Variants in DYNC2LI1 observed in about 807,000 individuals in gnomAD.
DYNC2LI1 encodes cytoplasmic dynein 2 light intermediate chain 1.
A neutral mutation model predicts 51.9 loss-of-function variants in DYNC2LI1; 45 were observed. The ratio of observed to expected loss-of-function variants is 0.87; its 90% CI spans 0.68 to 1.11. The LOEUF (loss-of-function observed/expected upper bound fraction) is 1.11. DYNC2LI1 is among the 50% of genes most tolerant of loss of function. The probability of loss-of-function intolerance (pLI) is 0.00; values close to 1 mark genes in which losing one functional copy is unlikely to be tolerated. For missense variants in DYNC2LI1, 490 were observed against 417.4 expected (o/e 1.17, Z -1.51); for synonymous variants, 130 against 137.8 (o/e 0.94, Z 0.40).
At chr2:43,804,898 T>TTA (rs1666193884) in intron 11 of DYNC2LI1, among the ~76,000 whole-genome samples, 159 bp downstream of exon 11, 1 of 144,450 alleles carries the variant, frequency 6.9e-6, no homozygotes, top group Non-Finnish European at 1.5e-5. Flanking sequence ...CTGTGGGGGT[T>TTA]AAAAAAAAAA....
chr2:43,787,552 T>C (rs760820102), intron 4 of DYNC2LI1, among the ~76,000 whole-genome samples: 4 of 152,240 alleles, frequency 2.6e-5, no homozygotes, highest in Non-Finnish European at 5.9e-5. Context: ...AAAAATCTGC[T>C]AAAATATAGG....
At chr2:43,815,910 G>GAAAAAAA in the DYNC2LI1 span, among the ~76,000 whole-genome samples, 6 of 104,032 alleles carry the variant, frequency 5.8e-5, no homozygotes, top group African/African-American at 9.7e-5. Flanking sequence ...AACAGGAAAA[G>GAAAAAAA]AAAAAAAAAA....
chr2:43,822,528 T>A, the DYNC2LI1 span: 1 of 981,552 alleles, frequency 1.0e-6, no homozygotes, highest in Non-Finnish European at 1.2e-6. Flanking sequence ...CTCTCTTCTC[T>A]GGCCCAGGCC....
intron 10 of DYNC2LI1, among the ~76,000 whole-genome samples, chr2:43,803,718 C>G (rs888249461): frequency 6.6e-6 from 1 of 152,076 alleles, no homozygotes; most frequent in Non-Finnish European, 1.5e-5. Context: ...TAAAACTTGG[C>G]AAAGCTGAAT....
Position 43,809,824 on chromosome 2 carries a change from A to G in DYNC2LI1, c.*57A>G, listed in dbSNP as rs772980227. On this transcript the variant is annotated 3_prime_UTR_variant, in exon 13 of 13. Coordinates refer to ENST00000260605, the MANE Select transcript of DYNC2LI1 (RefSeq NM_016008.4). Reference sequence around the variant, plus strand: ...CTTTTCCAAATACAAATAAGATTATACTGTGAATTAACTATTGTGGCAATA... The same window carrying G: ...CTTTTCCAAATACAAATAAGATTATGCTGTGAATTAACTATTGTGGCAATA... 6.5e-6 allele frequency: 10 copies of G among 1,546,230 alleles called. No homozygotes were observed. The highest frequency in any genetic ancestry group is 8.7e-6 in the Non-Finnish European group (10 of 1,146,998).
chr2:43,824,480 G>T, the DYNC2LI1 span: 1 of 1,604,258 alleles, frequency 6.2e-7, no homozygotes, highest in Non-Finnish European at 8.5e-7. Flanking sequence ...TTAAATGCAT[G>T]TATGTACATG....
At chr2:43,814,181 C>G (rs1013714763), downstream of DYNC2LI1, among the ~76,000 whole-genome samples, 1 of 152,136 alleles carries the variant, frequency 6.6e-6, no homozygotes, top group Non-Finnish European at 1.5e-5. Context: ...TCAGTAGATA[C>G]AGGAACTGAG....
chr2:43,822,912 C>T, the DYNC2LI1 span: 47 of 1,614,066 alleles, frequency 2.9e-5, 2 homozygotes, highest in South Asian at 3.7e-4. Context: ...CTCTCCTGGT[C>T]GCTGACAGCT....
the DYNC2LI1 span, chr2:43,828,317 T>A: frequency 1.4e-6 from 1 of 698,738 alleles, no homozygotes; most frequent in Non-Finnish European, 2.4e-6. Context: ...GTGTCAGATT[T>A]AAATAAATAA....
downstream of DYNC2LI1, chr2:43,810,283 C>G (rs1666437318): frequency 2.4e-6 from 2 of 839,556 alleles, no homozygotes; most frequent in South Asian, 1.1e-4. Context: ...TAGAGTGTCG[C>G]CATCAGTGGT....
At chr2:43,780,964 G>T (rs1211987155) in intron 2 of DYNC2LI1, among the ~76,000 whole-genome samples, 1 of 152,144 alleles carries the variant, frequency 6.6e-6, no homozygotes, top group Non-Finnish European at 1.5e-5. Flanking sequence ...TTAAATTTTG[G>T]ATTGTAATTT....
the DYNC2LI1 span, among the ~76,000 whole-genome samples, chr2:43,815,014 C>G: frequency 5.3e-5 from 8 of 152,166 alleles, no homozygotes; most frequent in Non-Finnish European, 1.0e-4. Flanking sequence ...CGATTACTGT[C>G]TACTTATTTT....
the DYNC2LI1 span, chr2:43,819,944 C>T: frequency 3.0e-5 from 48 of 1,613,994 alleles, no homozygotes; most frequent in East Asian, 6.7e-5. Context: ...CAAGCACCCC[C>T]GCAATGGACA....
Position 43,794,536 on chromosome 2 carries a change from A to C in DYNC2LI1, c.400A>C (p.Thr134Pro), listed in dbSNP as rs763733041. ...CACCATGGAAAATCTCTTGCAAGCCACAAAAAGCCATGTAGACAAAGTGAT... is the reference window on the plus strand; with the variant it reads ...CACCATGGAAAATCTCTTGCAAGCCCCAAAAAGCCATGTAGACAAAGTGAT... Reference protein sequence around the residue: ...WPTMENLLQATKSHVDKVIMK... With the variant: ...WPTMENLLQAPKSHVDKVIMK... The change falls in exon 6 of 13, where the codon ACA becomes CCA. Residue 134 changes from threonine to proline, a missense_variant. Physicochemically the swap from Thr to Pro is conservative, Grantham distance 38. Coordinates refer to ENST00000260605, the MANE Select transcript of DYNC2LI1 (RefSeq NM_016008.4). 1.7e-5 allele frequency: 27 copies of C among 1,613,998 alleles called. No homozygotes were observed. The highest frequency in any genetic ancestry group is 2.3e-5 in the Non-Finnish European group (27 of 1,180,018).
At position 43,800,861 on chromosome 2, in the gene DYNC2LI1, T is replaced by C; in HGVS notation, c.675T>C (p.Ala225=). ...ASLMFTSKSE[A]LLLKIRGVIN... is the part of the protein sequence containing the mutation. ...TAAAGTTTACCAGTAAATCAGAAGC[T>C]CTATTACTAAAAATACGTGGAGTTA... Residue 225 remains alanine, a synonymous_variant, in exon 9 of 13, where the codon GCT becomes GCC. Transcript: ENST00000260605. 1 of 1,600,690 alleles carries C rather than the reference T, an allele frequency of 6.2e-7. No homozygotes were observed. The highest frequency in any genetic ancestry group is 1.7e-5 in the Admixed American group (1 of 58,364).
chr2:43,785,762 T>G (rs1426960876), intron 3 of DYNC2LI1, among the ~76,000 whole-genome samples: 1 of 151,660 alleles, frequency 6.6e-6, no homozygotes, highest in Non-Finnish European at 1.5e-5. Context: ...ATATGAGATA[T>G]CTAAAATAAT....
chr2:43,825,091 C>T, the DYNC2LI1 span: 1 of 1,576,746 alleles, frequency 6.3e-7, no homozygotes. Flanking sequence ...TCTGGGAACA[C>T]TGATGCAGGG....
intron 5 of DYNC2LI1, chr2:43,792,544 A>T: frequency 2.6e-6 from 2 of 770,452 alleles, no homozygotes; most frequent in Non-Finnish European, 3.7e-6. Flanking sequence ...GTAAAATTTT[A>T]GTCATTTTTA....
chr2:43,786,341 G>A (rs902611720), intron 3 of DYNC2LI1, among the ~76,000 whole-genome samples: 4 of 152,194 alleles, frequency 2.6e-5, no homozygotes, highest in Middle Eastern at 3.4e-3. Flanking sequence ...TGGGACTACA[G>A]ACATGTGCTA....
Sources: allele counts gnomAD v4.1 joint callset (sites outside exome capture counted in the v4.1 genomes callset), GRCh38; gene constraint gnomAD v4.1.1; transcripts MANE v1.5; gene names NCBI Gene and HGNC (gene_info 2026-07-23, HGNC 2026-07-21).